SPRY3: variants seen among roughly 807,000 people sequenced by gnomAD.
SPRY3 encodes the protein protein sprouty homolog 3.
In SPRY3, 15 loss-of-function variants were observed where a neutral mutation model predicts 20.2. The ratio of observed to expected loss-of-function variants is 0.74; its 90% confidence interval spans 0.50 to 1.14. The LOEUF (loss-of-function observed/expected upper bound fraction) is 1.14, where lower values mean the gene tolerates loss of function less well. Among genes scored for constraint, SPRY3 ranks in the 50% most tolerant of loss-of-function variants. The pLI is 0.00. For synonymous variants in SPRY3, 143 were observed against 136.5 expected (o/e 1.05, Z -0.33); for missense variants, 364 against 363.9 (o/e 1.00, Z 0.00).
intron 2 of SPRY3, among the ~76,000 whole-genome samples, chrX:155,705,373 G>C (rs1407180090): frequency 6.6e-6 from 1 of 151,254 alleles, no homozygotes; most frequent in African/African-American, 2.4e-5. Context: ...TATTTAAAAT[G>C]TCATTAAGAG....
intron 1 of SPRY3, among the ~76,000 whole-genome samples, chrX:155,633,307 G>A (rs782513080): frequency 9.8e-6 from 1 of 102,334 alleles, no homozygotes; most frequent in African/African-American, 3.6e-5. Flanking sequence ...TTGGGAGGCC[G>A]AGGCGGGCGG....
At chrX:155,642,083 T>G (rs1462624461) in intron 1 of SPRY3, among the ~76,000 whole-genome samples, 1 of 111,694 alleles carries the variant, frequency 9.0e-6, no homozygotes, top group African/African-American at 3.3e-5. Flanking sequence ...GCACCTCCTC[T>G]CAATGTCTTT....
chrX:155,738,340 T>A (rs1295261086), intron 2 of SPRY3, among the ~76,000 whole-genome samples: 1 of 107,602 alleles, frequency 9.3e-6, no homozygotes, highest in Non-Finnish European at 1.7e-5. Flanking sequence ...TGCTTGGAAC[T>A]CAACAGTAAA....
At chrX:155,760,040 A>G (rs2091298135) in intron 2 of SPRY3, among the ~76,000 whole-genome samples, 1 of 152,088 alleles carries the variant, frequency 6.6e-6, no homozygotes, top group South Asian at 2.1e-4. Flanking sequence ...TATGTTCTAC[A>G]TCTATTGTAA....
intron 2 of SPRY3, among the ~76,000 whole-genome samples, chrX:155,728,837 T>TCAAA (rs1008868905): frequency 6.6e-6 from 1 of 152,054 alleles, no homozygotes; most frequent in African/African-American, 2.4e-5. Flanking sequence ...CACTTCACCT[T>TCAAA]CAAACACACA....
At chrX:155,630,864 T>C (rs1207228341) in intron 1 of SPRY3, among the ~76,000 whole-genome samples, 2 of 111,771 alleles carry the variant, frequency 1.8e-5, no homozygotes, top group Non-Finnish European at 3.8e-5. Flanking sequence ...ACATTTGCTC[T>C]TTTGATGCTA....
downstream of SPRY3, chrX:155,781,693 A>C (rs1417240786): frequency 6.0e-6 from 1 of 167,074 alleles, no homozygotes; most frequent in Non-Finnish European, 1.5e-5. Context: ...TTAAAGCAGA[A>C]GCATTTTTCT....
chrX:155,755,197 AAAAGTG>A lies in SPRY3; in HGVS notation c.-281-12756_-281-12751del, dbSNP rs201622870. 9.3e-3 allele frequency among the ~76,000 whole-genome samples: 1,350 copies of A among 145,166 alleles called. 14 individuals are homozygous for A. Among genetic ancestry groups the A allele is most frequent in the African/African-American group, 0.036 (1,275 of 35,222 alleles). On this transcript the variant is annotated intron_variant, in intron 2 of 3. Coordinates refer to ENST00000675360, the Ensembl canonical transcript of SPRY3. ...GAATTCTTAGTCAAAACTTGCAGTA[AAAAGTG>A]AAAGTGAACACATCCCAGTTTAATC...
At chrX:155,774,541 G>A in exon 4 of SPRY3, 2 of 1,613,982 alleles carry the variant, frequency 1.2e-6, no homozygotes, top group Non-Finnish European at 1.7e-6. Context: ...CCGCTGGGCA[G>A]CCATGAGCCT....
chrX:155,709,553 C>T (rs1602953890), intron 2 of SPRY3, among the ~76,000 whole-genome samples: 1 of 151,494 alleles, frequency 6.6e-6, no homozygotes, highest in East Asian at 1.9e-4. Flanking sequence ...CTTATTTATT[C>T]TGATTATCAA....
At chrX:155,730,702 G>A (rs2091127352) in intron 2 of SPRY3, among the ~76,000 whole-genome samples, 2 of 151,928 alleles carry the variant, frequency 1.3e-5, no homozygotes, top group Non-Finnish European at 2.9e-5. Context: ...CCTCCAAATT[G>A]GAAAGGAGGA....
chrX:155,727,977 T>C (rs2091109622), intron 2 of SPRY3, among the ~76,000 whole-genome samples: 1 of 152,164 alleles, frequency 6.6e-6, no homozygotes, highest in Admixed American at 6.5e-5. Context: ...GATGGGGTTT[T>C]GGTGTGGATG....
chrX:155,655,401 T>C (rs1040984088), intron 1 of SPRY3, among the ~76,000 whole-genome samples: 3 of 111,792 alleles, frequency 2.7e-5, no homozygotes, highest in African/African-American at 9.7e-5. Context: ...TTTCATTTGA[T>C]TTTGGGGACT....
chrX:155,676,979 T>G (rs2068060361), intron 2 of SPRY3, among the ~76,000 whole-genome samples: 1 of 112,122 alleles, frequency 8.9e-6, no homozygotes. Flanking sequence ...TTTTGTGTTA[T>G]TCCTGTGTTT....
chrX:155,667,080 G>A (rs1335441192), intron 2 of SPRY3, among the ~76,000 whole-genome samples: 1 of 111,482 alleles, frequency 9.0e-6, no homozygotes, highest in African/African-American at 3.3e-5. Flanking sequence ...TGATATTGAA[G>A]TCATTAGTGA....
At chrX:155,616,266 C>A (rs1282075808) in intron 1 of SPRY3, among the ~76,000 whole-genome samples, 1 of 109,328 alleles carries the variant, frequency 9.1e-6, no homozygotes, top group Non-Finnish European at 1.9e-5. Context: ...GTTACGGACA[C>A]CTTCCTAGAT....
chrX:155,751,928 TAAAATAAAATAAAATAAA>T (rs946494279), intron 2 of SPRY3, among the ~76,000 whole-genome samples: 2 of 21,982 alleles, frequency 9.1e-5, no homozygotes, highest in African/African-American at 9.2e-4. Context: ...GGAAGGGAAA[TAAAATAAAATAAAATAAA>T]ATAAAATAAA....
intron 2 of SPRY3, among the ~76,000 whole-genome samples, chrX:155,681,591 C>A (rs2068074332): frequency 8.9e-6 from 1 of 112,063 alleles, no homozygotes; most frequent in South Asian, 3.7e-4. Flanking sequence ...AACCACTGGC[C>A]AAGTTGTAAA....
chrX:155,683,499 A>G (rs1214671035), intron 2 of SPRY3, among the ~76,000 whole-genome samples: 1 of 112,148 alleles, frequency 8.9e-6, no homozygotes, highest in Non-Finnish European at 1.9e-5. Context: ...AGGTATGTAC[A>G]TTACTTTTTA....
Sources: allele counts gnomAD v4.1 joint callset (sites outside exome capture counted in the v4.1 genomes callset), GRCh38; gene constraint gnomAD v4.1.1; transcripts MANE v1.5; gene names NCBI Gene and HGNC (gene_info 2026-07-23, HGNC 2026-07-21).